Variants in UVRAG observed in about 807,000 individuals in gnomAD.
The protein encoded by UVRAG is UV radiation resistance associated.
UVRAG carries 19 observed loss-of-function variants against 78.0 expected under a neutral mutation model. That is an observed-to-expected ratio of 0.24 (90% confidence interval 0.17 to 0.36). The LOEUF (loss-of-function observed/expected upper bound fraction) is 0.36, where lower values mean the gene tolerates loss of function less well. UVRAG is among the 10% of genes least tolerant of loss of function. The pLI, the probability that UVRAG is intolerant of heterozygous loss-of-function variation, is 1.00. For synonymous variants in UVRAG, 323 were observed against 324.6 expected (o/e 1.00, Z 0.05); for missense variants, 740 against 853.8 (o/e 0.87, Z 1.66).
intron 13 of UVRAG, among the ~76,000 whole-genome samples, chr11:76,104,826 A>G (rs1227357488): frequency 1.3e-5 from 2 of 152,178 alleles, no homozygotes; most frequent in Admixed American, 1.3e-4. Flanking sequence ...TATGTAATCC[A>G]ATTTATAGCA....
chr11:75,867,895 T>C (rs1946569093), intron 3 of UVRAG, among the ~76,000 whole-genome samples: 3 of 152,226 alleles, frequency 2.0e-5, no homozygotes, highest in Non-Finnish European at 4.4e-5. Flanking sequence ...GTGCTAACAT[T>C]GTGCCTAACT....
At chr11:75,941,439 G>A (rs988922354) in intron 6 of UVRAG, among the ~76,000 whole-genome samples, 1 of 152,058 alleles carries the variant, frequency 6.6e-6, no homozygotes, top group Non-Finnish European at 1.5e-5. Flanking sequence ...TAGCCAAAAT[G>A]CTTGGGACTA....
At chr11:75,913,588 A>G (rs1947782291) in intron 6 of UVRAG, among the ~76,000 whole-genome samples, 2 of 152,346 alleles carry the variant, frequency 1.3e-5, no homozygotes, top group Non-Finnish European at 2.9e-5. Flanking sequence ...GAAGTCCTTC[A>G]TGCATCAGGG....
In UVRAG at chr11:76,134,086, G is replaced by A. The variant is rs183859387; in HGVS notation, c.1398-6625G>A. On this transcript the variant is annotated intron_variant, in intron 14 of 14. Transcript: ENST00000356136. Reference sequence around the variant, plus strand: ...TCCTGCTCTCCTGCCTCAGCCTCCCGTGCAGCTGGGATTACAGGTGCCCAC... The same window carrying A: ...TCCTGCTCTCCTGCCTCAGCCTCCCATGCAGCTGGGATTACAGGTGCCCAC... Among the ~76,000 whole-genome samples the A allele has an allele frequency of 1.8e-3, 273 of 150,290 alleles. 1 individual carries two copies. The highest frequency in any genetic ancestry group is 7.1e-3 in the Middle Eastern group (2 of 282).
intron 8 of UVRAG, 104 bp from the exon 9 acceptor site, chr11:76,003,901 C>A: frequency 9.2e-7 from 1 of 1,086,186 alleles, no homozygotes; most frequent in Non-Finnish European, 1.4e-6. Context: ...TTCCCTAACT[C>A]TTTTTATTTC....
At chr11:75,970,734 A>G (rs1370624516) in intron 7 of UVRAG, among the ~76,000 whole-genome samples, 1 of 145,148 alleles carries the variant, frequency 6.9e-6, no homozygotes, top group Non-Finnish European at 1.5e-5. Context: ...CTCCATCTCA[A>G]AAAAAAAAAA....
At chr11:75,859,284 G>T (rs568233109) in intron 2 of UVRAG, among the ~76,000 whole-genome samples, 108 of 151,988 alleles carry the variant, frequency 7.1e-4, no homozygotes, top group African/African-American at 2.5e-3. Flanking sequence ...GTTGGGGCTG[G>T]AGAATCACTT....
At chr11:75,994,107 C>T (rs1225051290) in intron 8 of UVRAG, among the ~76,000 whole-genome samples, 1 of 152,126 alleles carries the variant, frequency 6.6e-6, no homozygotes, top group Non-Finnish European at 1.5e-5. Context: ...AGCACACGTC[C>T]ATACCATATC....
chr11:76,004,837 C>T (rs963637149), intron 9 of UVRAG, among the ~76,000 whole-genome samples: 2 of 152,046 alleles, frequency 1.3e-5, no homozygotes, highest in Admixed American at 6.6e-5. Flanking sequence ...TTTCAAATAG[C>T]CTGTAATAAA....
chr11:76,065,622 A>G (rs1312571829), intron 12 of UVRAG, 88 bp from the exon 13 acceptor site: 2 of 1,145,948 alleles, frequency 1.7e-6, no homozygotes, highest in African/African-American at 1.5e-5. Flanking sequence ...TTTATGCTGT[A>G]TCTAAGAAAC....
At chr11:75,995,070 G>A (rs1949679582) in intron 8 of UVRAG, among the ~76,000 whole-genome samples, 1 of 152,060 alleles carries the variant, frequency 6.6e-6, no homozygotes, top group Non-Finnish European at 1.5e-5. Context: ...CAGAAAGGTA[G>A]GACTGGTGGA....
intron 13 of UVRAG, among the ~76,000 whole-genome samples, chr11:76,115,031 T>C (rs952021517): frequency 2.0e-5 from 3 of 152,232 alleles, no homozygotes; most frequent in Non-Finnish European, 2.9e-5. Flanking sequence ...TGTTGTCCAC[T>C]TACTGTGTGT....
At chr11:75,835,439 GCTCAA>G (rs1483232300) in intron 1 of UVRAG, 5 of 152,178 alleles carry the variant, frequency 3.3e-5, no homozygotes, top group Non-Finnish European at 7.3e-5. Flanking sequence ...TAGAGCTTCA[GCTCAA>G]CTCTAGGTGG....
chr11:76,020,823 T>C (rs187621614), intron 12 of UVRAG, among the ~76,000 whole-genome samples: 35 of 152,190 alleles, frequency 2.3e-4, no homozygotes, highest in African/African-American at 7.9e-4. Flanking sequence ...CTAGACTGTC[T>C]TTCAAGATTA....
chr11:76,030,136 T>C (rs985909085), intron 12 of UVRAG, among the ~76,000 whole-genome samples: 2 of 152,004 alleles, frequency 1.3e-5, no homozygotes, highest in Admixed American at 6.6e-5. Context: ...TATTTTCATA[T>C]ATACTGGGAA....
Position 75,854,926 on chromosome 11 carries a change from A to G in UVRAG, c.235+2926A>G, listed in dbSNP as rs190436862. Among the ~76,000 whole-genome samples, 108 of 152,314 alleles carry G rather than the reference A, an allele frequency of 7.1e-4. 1 individual carries two copies. Among genetic ancestry groups the G allele is most frequent in the African/African-American group, 2.5e-3 (104 of 41,574 alleles). On this transcript the variant is annotated intron_variant, in intron 2 of 14. Coordinates refer to ENST00000356136, the MANE Select transcript of UVRAG (RefSeq NM_003369.4). ...TATTTTAAATTTTTGATGAGTGTCT[A>G]TATAATCAGTCCTGGTTACCTTAAC... is the stretch of plus-strand genomic sequence containing the variant.
rs549138821 is a variant in UVRAG, at chr11:75,954,075, A to G, written c.594-7369A>G. On this transcript the variant is annotated intron_variant, in intron 6 of 14. Transcript: ENST00000356136. The stretch of plus-strand genomic sequence containing the variant: ...ATCCCCAGGGGAATCAGGATGTCCC[A>G]TGTTATTTTTCAAAGTCTAAATACT... Among the ~76,000 whole-genome samples, 5 of 152,224 alleles carry G rather than the reference A, an allele frequency of 3.3e-5. No individual in the cohort carries two copies. In the South Asian group the frequency reaches 1.0e-3, roughly 32 times the overall value.
At chr11:75,895,923 A>C (rs1947334943) in intron 5 of UVRAG, among the ~76,000 whole-genome samples, 1 of 152,242 alleles carries the variant, frequency 6.6e-6, no homozygotes, top group Admixed American at 6.5e-5. Context: ...CAAGCCTATT[A>C]TTAAACTAGG....
chr11:75,894,351 A>G (rs374545347), intron 5 of UVRAG, among the ~76,000 whole-genome samples: 1 of 149,430 alleles, frequency 6.7e-6, no homozygotes, highest in South Asian at 2.1e-4. Context: ...TGGAATGAAG[A>G]AAAAAAAAAC....
Sources: gnomAD v4.1 joint callset for allele counts (sites outside exome capture counted in the v4.1 genomes callset) on GRCh38, gnomAD v4.1.1 for gene constraint, MANE v1.5 for transcripts, NCBI Gene and HGNC (gene_info 2026-07-23, HGNC 2026-07-21) for gene names.